RALGPS2: variants seen among roughly 807,000 people sequenced by gnomAD.
RALGPS2 encodes Ral GEF with PH domain and SH3 binding motif 2, also known as ras-specific guanine nucleotide-releasing factor RalGPS2.
In RALGPS2, 43 loss-of-function variants were observed where a neutral mutation model predicts 86.8. The ratio of observed to expected loss-of-function variants is 0.50; its 90% CI spans 0.39 to 0.64. The LOEUF (loss-of-function observed/expected upper bound fraction) is 0.64, where lower values mean the gene tolerates loss of function less well. Ranked by LOEUF, RALGPS2 falls within the 30% of genes least tolerant of loss-of-function variation. The probability of loss-of-function intolerance (pLI) is 0.00; values close to 1 mark genes in which losing one functional copy is unlikely to be tolerated. For synonymous variants in RALGPS2, 243 were observed against 231.3 expected, an observed-to-expected ratio of 1.05 and a Z score of -0.46; for missense variants, 536 against 694.6, an observed-to-expected ratio of 0.77 and a Z score of 2.57.
intron 7 of RALGPS2, among the ~76,000 whole-genome samples, chr1:178,827,481 G>A (rs926526617): frequency 2.8e-5 from 4 of 143,914 alleles, no homozygotes; most frequent in Non-Finnish European, 3.0e-5. Flanking sequence ...TGCAAGCTCC[G>A]CCTCCCGGGT....
At chr1:178,815,083 TATTTA>T (rs1655165200) in intron 6 of RALGPS2, among the ~76,000 whole-genome samples, 1 of 151,160 alleles carries the variant, frequency 6.6e-6, no homozygotes, top group African/African-American at 2.4e-5. Context: ...TGTTTGTTTT[TATTTA>T]TTTATTTATT....
intron 15 of RALGPS2, among the ~76,000 whole-genome samples, chr1:178,893,289 T>A: frequency 6.6e-6 from 1 of 151,884 alleles, no homozygotes; most frequent in East Asian, 1.9e-4. Flanking sequence ...ATCTTGAGTT[T>A]TGGGTTTTTT....
rs549759510 is a variant in RALGPS2, at chr1:178,800,735, G to C, written c.214-7310G>C. Among the ~76,000 whole-genome samples the C allele has an allele frequency of 5.9e-5, 9 of 152,066 alleles. No homozygotes were observed. In the South Asian group the frequency reaches 1.7e-3, roughly 28 times the overall value. On this transcript the variant is annotated intron_variant, in intron 4 of 19. Transcript: ENST00000367635. ...GATGTGGGTTTTCAACTGTTCGGAG[G>C]GTCAGTGCCCCTAACCCCTGAGTTG... is the stretch of plus-strand genomic sequence containing the variant.
At chr1:178,727,535 A>G (rs1347824825) in intron 1 of RALGPS2, among the ~76,000 whole-genome samples, 1 of 152,240 alleles carries the variant, frequency 6.6e-6, no homozygotes, top group East Asian at 1.9e-4. Context: ...TAATACTAGA[A>G]AGAATACAAC....
At chr1:178,838,275 A>G (rs1243094449) in intron 8 of RALGPS2, among the ~76,000 whole-genome samples, 1 of 152,202 alleles carries the variant, frequency 6.6e-6, no homozygotes, top group Non-Finnish European at 1.5e-5. Context: ...GACACCCCCC[A>G]GTAGGGGCAG....
At chr1:178,906,936 A>G in intron 19 of RALGPS2, 69 bp downstream of exon 19, 3 of 1,379,568 alleles carry the variant, frequency 2.2e-6, no homozygotes, top group Non-Finnish European at 3.1e-6. Context: ...TTCCAAGAGA[A>G]GTAAACAGAC....
intron 8 of RALGPS2, chr1:178,865,659 T>G (rs1658356557): frequency 1.2e-6 from 2 of 1,613,960 alleles, no homozygotes; most frequent in South Asian, 2.2e-5. Context: ...TTACCATCTG[T>G]GGCACGAGGG....
chr1:178,897,840 G>C, intron 17 of RALGPS2, 84 bp downstream of exon 17: 1 of 1,110,130 alleles, frequency 9.0e-7, no homozygotes, highest in Non-Finnish European at 1.3e-6. Flanking sequence ...GGGATACAAA[G>C]GTTTTTTGGG....
chr1:178,803,816 C>T (rs1360889179), intron 4 of RALGPS2, among the ~76,000 whole-genome samples: 1 of 152,114 alleles, frequency 6.6e-6, no homozygotes. Context: ...ATTGTCATCT[C>T]TCCCCTCAGT....
At chr1:178,815,329 C>A in intron 6 of RALGPS2, among the ~76,000 whole-genome samples, 1 of 152,070 alleles carries the variant, frequency 6.6e-6, no homozygotes, top group East Asian at 1.9e-4. Context: ...AGGTGATCCT[C>A]CCATCTCGGC....
intron 7 of RALGPS2, among the ~76,000 whole-genome samples, chr1:178,823,114 G>A (rs776825705): frequency 6.6e-6 from 1 of 152,136 alleles, no homozygotes; most frequent in Admixed American, 6.6e-5. Context: ...GAGCCATTAC[G>A]CCCAGTCCTA....
chr1:178,807,787 T>C (rs77494210), intron 4 of RALGPS2, among the ~76,000 whole-genome samples: 2,545 of 152,308 alleles, frequency 0.017, 21 homozygotes, highest in Non-Finnish European at 0.026. Context: ...TTCAAATCTT[T>C]TCAGAAAAGA....
At chr1:178,814,643 T>C (rs1655141865) in intron 6 of RALGPS2, among the ~76,000 whole-genome samples, 1 of 152,162 alleles carries the variant, frequency 6.6e-6, no homozygotes, top group Non-Finnish European at 1.5e-5. Flanking sequence ...AAAGACAAGG[T>C]CTCATTATGT....
rs192489069 is a variant in RALGPS2, at chr1:178,866,600, A to T, written c.608-10898A>T. ...TAGTAAAATGTTAGTAATTTTCTAC[A>T]ACCATTACCAAGGAAAGAAACTTGT... On this transcript the variant is annotated intron_variant, in intron 8 of 19. Coordinates refer to ENST00000367635, the MANE Select transcript of RALGPS2 (RefSeq NM_152663.5). Among the ~76,000 whole-genome samples the T allele has an allele frequency of 1.7e-3, 262 of 152,294 alleles. 1 individual carries two copies. The highest frequency in any genetic ancestry group is 3.4e-3 in the Middle Eastern group (1 of 294).
chr1:178,906,224 A>T (rs1660381923), intron 18 of RALGPS2, among the ~76,000 whole-genome samples: 1 of 151,930 alleles, frequency 6.6e-6, no homozygotes. Context: ...AATACAAAAA[A>T]CTTAGCTGGG....
In RALGPS2 at chr1:178,831,004, A is replaced by T. The variant is rs916786231; in HGVS notation, c.481-2420A>T. Among the ~76,000 whole-genome samples, 3 of 152,364 alleles carry T rather than the reference A, an allele frequency of 2.0e-5. No homozygotes were observed. In the South Asian group the frequency reaches 6.2e-4, roughly 32 times the overall value. On this transcript the variant is annotated intron_variant, in intron 7 of 19. Coordinates refer to ENST00000367635, the MANE Select transcript of RALGPS2 (RefSeq NM_152663.5). Reference sequence around the variant, plus strand: ...ATGAACTATAGCTTCCCACAACTTCATGGATGAAGCTTTAATATCACAATG... The same window carrying T: ...ATGAACTATAGCTTCCCACAACTTCTTGGATGAAGCTTTAATATCACAATG...
chr1:178,844,265 A>C (rs1656757650), intron 8 of RALGPS2, among the ~76,000 whole-genome samples: 1 of 152,214 alleles, frequency 6.6e-6, no homozygotes, highest in South Asian at 2.1e-4. Context: ...CATAGAAAAA[A>C]GGTAACCGCT....
chr1:178,824,166 G>A (rs1655638659), intron 7 of RALGPS2, among the ~76,000 whole-genome samples: 1 of 152,148 alleles, frequency 6.6e-6, no homozygotes, highest in Admixed American at 6.5e-5. Context: ...GTGACCTCGG[G>A]AAGAGTGATT....
intron 1 of RALGPS2, among the ~76,000 whole-genome samples, chr1:178,733,265 T>C (rs1650498172): frequency 6.6e-6 from 1 of 152,186 alleles, no homozygotes; most frequent in Admixed American, 6.5e-5. Flanking sequence ...AACAATACTA[T>C]TAAGAGAAGG....
Sources: gnomAD v4.1 joint callset for allele counts (sites outside exome capture counted in the v4.1 genomes callset) on GRCh38, gnomAD v4.1.1 for gene constraint, MANE v1.5 for transcripts, NCBI Gene and HGNC (gene_info 2026-07-23, HGNC 2026-07-21) for gene names.